ZGPAT: variants seen among roughly 807,000 people sequenced by gnomAD.
The protein encoded by ZGPAT is zinc finger CCCH-type with G patch domain-containing protein.
ZGPAT carries 39 observed loss-of-function variants against 47.9 expected under a neutral mutation model. That is an observed-to-expected ratio of 0.81 (90% CI 0.63 to 1.06). The LOEUF (loss-of-function observed/expected upper bound fraction) is 1.06, where lower values mean the gene tolerates loss of function less well. Among genes scored for constraint, ZGPAT ranks in the 50% least tolerant of loss-of-function variants. The probability of loss-of-function intolerance (pLI) is 0.00; values close to 1 mark genes in which losing one functional copy is unlikely to be tolerated. For missense variants in ZGPAT, 717 were observed against 681.4 expected, an observed-to-expected ratio of 1.05 and a Z score of -0.58; for synonymous variants, 348 against 292.9, an observed-to-expected ratio of 1.19 and a Z score of -1.92.
chr20:63,712,395 G>C (rs915562109), intron 2 of ZGPAT, among the ~76,000 whole-genome samples: 2 of 152,182 alleles, frequency 1.3e-5, no homozygotes, highest in African/African-American at 4.8e-5. Context: ...GATTATTATA[G>C]CTTTGTGATA....
In ZGPAT at chr20:63,735,295, C is replaced by A; in HGVS notation, c.1128C>A (p.Pro376=). 1 of 1,603,428 alleles carries A rather than the reference C, an allele frequency of 6.2e-7. No individual in the cohort carries two copies. ...RVGKAGTNKP[P]RCRGRGARPG... ...GCAAGGCTGGCACCAACAAGCCCCC[C>A]AGGTGCCGGGGAAGAGGGGCCAGGC... The change falls in exon 6 of 7, where the codon CCC becomes CCA. Residue 376 remains proline, a synonymous_variant. Coordinates refer to ENST00000355969, the MANE Select transcript of ZGPAT (RefSeq NM_181485.3).
At chr20:63,731,705 TTG>T (rs575294268) in intron 2 of ZGPAT, among the ~76,000 whole-genome samples, 3 of 139,346 alleles carry the variant, frequency 2.2e-5, no homozygotes, top group Admixed American at 7.0e-5. Context: ...AGTTGGCCCT[TTG>T]TGTGTGTGAG....
chr20:63,710,520 C>T (rs1040874138), intron 2 of ZGPAT, among the ~76,000 whole-genome samples: 1 of 152,086 alleles, frequency 6.6e-6, no homozygotes, highest in African/African-American at 2.4e-5. Flanking sequence ...TCAAACATAC[C>T]CCAAATTAGA....
At chr20:63,716,232 G>T (rs1018507378) in intron 2 of ZGPAT, among the ~76,000 whole-genome samples, 2 of 152,168 alleles carry the variant, frequency 1.3e-5, no homozygotes, top group African/African-American at 4.8e-5. Flanking sequence ...ATTTCACCAT[G>T]TTGGCCAGGC....
chr20:63,718,264 C>T (rs191417687), intron 2 of ZGPAT, among the ~76,000 whole-genome samples: 100 of 151,878 alleles, frequency 6.6e-4, no homozygotes, highest in African/African-American at 2.3e-3. Flanking sequence ...TTTTTTTGTT[C>T]GACTTACTCG....
intron 2 of ZGPAT, among the ~76,000 whole-genome samples, chr20:63,731,065 C>T (rs968658634): frequency 6.6e-6 from 1 of 151,730 alleles, no homozygotes; most frequent in African/African-American, 2.4e-5. Flanking sequence ...TAAGCAGGTT[C>T]TCCTAGTTTG....
intron 1 of ZGPAT, 93 bp from the exon 2 acceptor site, chr20:63,708,460 C>G (rs1433752694): frequency 2.2e-6 from 2 of 904,966 alleles, no homozygotes; most frequent in African/African-American, 3.4e-5. Context: ...GGTGTCTCCC[C>G]GAGGGAAAGG....
In ZGPAT at chr20:63,734,696, C is replaced by G. The variant is rs891247784; in HGVS notation, c.872-9C>G. On this transcript the variant is annotated splice_polypyrimidine_tract_variant and intron_variant, in intron 4 of 6. Transcript: ENST00000355969. The stretch of plus-strand genomic sequence containing the variant: ...GCACAGTCCTCTGCCCTCTGTCCGT[C>G]TCTTGCAGTGGTGGGGTCAGATGCT... 1 of 1,613,584 alleles carries G rather than the reference C, an allele frequency of 6.2e-7. No individual in the cohort carries two copies. The highest frequency in any genetic ancestry group is 8.5e-7 in the Non-Finnish European group (1 of 1,179,742).
chr20:63,717,309 A>G (rs1036615025), intron 2 of ZGPAT, among the ~76,000 whole-genome samples: 42 of 111,414 alleles, frequency 3.8e-4, no homozygotes, highest in Non-Finnish European at 7.6e-4. Flanking sequence ...TAAGTTATTG[A>G]TTTGAGATCT....
Position 63,726,444 on chromosome 20 carries a change from G to A in ZGPAT, c.585-6775G>A, listed in dbSNP as rs775256645. ...TTAAACCCCTGACCTCAGGTGATCCGCCCGCCTAGGCCTCTCAAAGTGCTG... is the reference window on the plus strand; with the variant it reads ...TTAAACCCCTGACCTCAGGTGATCCACCCGCCTAGGCCTCTCAAAGTGCTG... On this transcript the variant is annotated intron_variant, in intron 2 of 6. Transcript: ENST00000355969. Among the ~76,000 whole-genome samples, 128 of 151,876 alleles carry A rather than the reference G, an allele frequency of 8.4e-4. 1 individual carries two copies. The highest frequency in any genetic ancestry group is 5.0e-4 in the Non-Finnish European group (34 of 67,966).
intron 2 of ZGPAT, among the ~76,000 whole-genome samples, chr20:63,720,245 T>A (rs2091773903): frequency 6.6e-6 from 1 of 152,010 alleles, no homozygotes; most frequent in Non-Finnish European, 1.5e-5. Context: ...AACCTCTGCC[T>A]CCTGGGTTCA....
intron 2 of ZGPAT, 139 bp downstream of exon 2, chr20:63,709,303 G>A: frequency 4.4e-6 from 4 of 915,166 alleles, no homozygotes; most frequent in Non-Finnish European, 5.1e-6. Flanking sequence ...AGCTGTGTCT[G>A]TGTTCAGGCG....
chr20:63,707,833 GGCCTCGC>G (rs1448810478), upstream of ZGPAT: 1 of 152,466 alleles, frequency 6.6e-6, no homozygotes. Context: ...CCGCCCCTCG[GGCCTCGC>G]GCCTCACCGC....
At chr20:63,731,203 G>A (rs879428334) in intron 2 of ZGPAT, among the ~76,000 whole-genome samples, 1 of 152,152 alleles carries the variant, frequency 6.6e-6, no homozygotes, top group African/African-American at 2.4e-5. Flanking sequence ...TGTGACTCCA[G>A]CAGAGGCGAT....
At chr20:63,725,037 TGCA>T (rs1209359629) in intron 2 of ZGPAT, among the ~76,000 whole-genome samples, 1 of 148,484 alleles carries the variant, frequency 6.7e-6, no homozygotes, top group Non-Finnish European at 1.5e-5. Context: ...CAGGCTGGAG[TGCA>T]GTGGCACGAT....
chr20:63,716,618 A>G (rs1418985489), intron 2 of ZGPAT, among the ~76,000 whole-genome samples: 1 of 151,506 alleles, frequency 6.6e-6, no homozygotes, highest in African/African-American at 2.4e-5. Flanking sequence ...GGTTCAAGCA[A>G]TTCTGCCTTA....
Position 63,708,905 on chromosome 20 carries a change from G to C in ZGPAT, c.325G>C (p.Ala109Pro), listed in dbSNP as rs1203688447. 6.2e-7 allele frequency: 1 copy of C among 1,611,282 alleles called. No homozygotes were observed. The highest frequency in any genetic ancestry group is 8.5e-7 in the Non-Finnish European group (1 of 1,178,576). The change falls in exon 2 of 7, where the codon GCG (alanine) becomes CCG (proline). Residue 109 changes from alanine to proline, a missense_variant. Physicochemically the swap from Ala to Pro is conservative, Grantham distance 27 (BLOSUM62 -1). Transcript: ENST00000355969. ...ATCAGAGACCGTTCCTAAAGCAGAG[G>C]CGGGGCCAGAATCTGCGGCAGGTGG... ...SGSETVPKAE[A>P]GPESAAGGQE...
chr20:63,718,749 C>A (rs1214683961), intron 2 of ZGPAT, among the ~76,000 whole-genome samples: 1 of 151,866 alleles, frequency 6.6e-6, no homozygotes, highest in Non-Finnish European at 1.5e-5. Flanking sequence ...AGTCACAGTA[C>A]CTGGCCTTCT....
chr20:63,730,743 A>G (rs1040725654), intron 2 of ZGPAT, among the ~76,000 whole-genome samples: 1 of 152,012 alleles, frequency 6.6e-6, no homozygotes, highest in East Asian at 1.9e-4. Context: ...CGGCCTCCCA[A>G]AGTGCTGGGA....
Sources: gnomAD v4.1 joint callset for allele counts (sites outside exome capture counted in the v4.1 genomes callset) on GRCh38, gnomAD v4.1.1 for gene constraint, MANE v1.5 for transcripts, NCBI Gene and HGNC (gene_info 2026-07-23, HGNC 2026-07-21) for gene names.